CFAP263: variants seen among roughly 807,000 people sequenced by gnomAD.
CFAP263 encodes cilia- and flagella-associated protein 263.
At chr16:58,259,598 A>G in the CFAP263 span, among the ~76,000 whole-genome samples, 2 of 152,246 alleles carry the variant, frequency 1.3e-5, no homozygotes, top group African/African-American at 2.4e-5. Context: ...AGGCCCCTAC[A>G]GTAGCATACA....
the CFAP263 span, among the ~76,000 whole-genome samples, chr16:58,266,948 T>C: frequency 6.6e-6 from 1 of 152,106 alleles, no homozygotes; most frequent in African/African-American, 2.4e-5. Context: ...CTCCCCCTGG[T>C]CTCTGTGACC....
chr16:58,250,039 G>T, the CFAP263 span: 4 of 1,596,044 alleles, frequency 2.5e-6, no homozygotes, highest in South Asian at 1.1e-5. Context: ...GTCCGAGAGC[G>T]TCCTCTCCGA....
At chr16:58,280,748 C>G in the CFAP263 span, 1 of 1,600,792 alleles carries the variant, frequency 6.2e-7, no homozygotes, top group South Asian at 1.1e-5. Context: ...ATTGGGCTTC[C>G]TGGGTCCCCC....
At chr16:58,261,711 G>A in the CFAP263 span, among the ~76,000 whole-genome samples, 1 of 152,186 alleles carries the variant, frequency 6.6e-6, no homozygotes, top group Non-Finnish European at 1.5e-5. Context: ...GGAAGAAGAT[G>A]AATCCCAGGA....
At chr16:58,253,650 C>T in the CFAP263 span, among the ~76,000 whole-genome samples, 1 of 152,234 alleles carries the variant, frequency 6.6e-6, no homozygotes, top group Non-Finnish European at 1.5e-5. Flanking sequence ...CAGTTTCTTT[C>T]CTGTGTTCAG....
At chr16:58,254,204 C>G in the CFAP263 span, 28 of 1,601,180 alleles carry the variant, frequency 1.7e-5, no homozygotes, top group Middle Eastern at 1.7e-4. Context: ...AGGCTCCCCA[C>G]CTCTACCCCA....
the CFAP263 span, chr16:58,278,404 A>C: frequency 1.5e-6 from 2 of 1,299,204 alleles, no homozygotes; most frequent in Non-Finnish European, 2.2e-6. Flanking sequence ...AACTATGGGG[A>C]GAGATGGCAG....
chr16:58,266,395 ATATATATATATTTT>A, the CFAP263 span, among the ~76,000 whole-genome samples: 50 of 36,434 alleles, frequency 1.4e-3, no homozygotes, highest in East Asian at 3.2e-3. Context: ...ATATATATAT[ATATATATATATTTT>A]TTTTTTTTTT....
At chr16:58,272,813 T>C in the CFAP263 span, among the ~76,000 whole-genome samples, 90 of 151,750 alleles carry the variant, frequency 5.9e-4, no homozygotes, top group Non-Finnish European at 1.1e-3. Flanking sequence ...CACCAGAAGA[T>C]GCTCTAGGCT....
the CFAP263 span, among the ~76,000 whole-genome samples, chr16:58,256,720 T>A: frequency 6.6e-6 from 1 of 152,166 alleles, no homozygotes; most frequent in African/African-American, 2.4e-5. Context: ...ATGATGGGGC[T>A]GGAGCCTGAG....
chr16:58,261,463 A>T, the CFAP263 span, among the ~76,000 whole-genome samples: 1 of 152,208 alleles, frequency 6.6e-6, no homozygotes, highest in Admixed American at 6.5e-5. Context: ...ACACAAAGAT[A>T]ACACAGACAC....
At chr16:58,264,600 T>C in the CFAP263 span, among the ~76,000 whole-genome samples, 3 of 152,266 alleles carry the variant, frequency 2.0e-5, no homozygotes, top group Non-Finnish European at 4.4e-5. Flanking sequence ...GCAAGTTTTG[T>C]GTCACCAGGA....
At chr16:58,252,653 C>G in the CFAP263 span, 4 of 1,361,400 alleles carry the variant, frequency 2.9e-6, no homozygotes, top group East Asian at 9.2e-5. Context: ...TGCAGGTCTA[C>G]TAGTTATTAA....
the CFAP263 span, among the ~76,000 whole-genome samples, chr16:58,276,326 C>T: frequency 2.0e-5 from 3 of 152,346 alleles, no homozygotes; most frequent in South Asian, 2.1e-4. Context: ...CAGTCTCAAA[C>T]ATTACTGGAG....
At chr16:58,262,566 C>G in the CFAP263 span, 2 of 1,577,142 alleles carry the variant, frequency 1.3e-6, no homozygotes, top group Non-Finnish European at 1.7e-6. Flanking sequence ...ATACCCAGGG[C>G]TCCCCCAAGG....
the CFAP263 span, chr16:58,254,279 A>C: frequency 6.2e-5 from 65 of 1,051,932 alleles, no homozygotes; most frequent in East Asian, 1.6e-3. Context: ...AGGTAGGATG[A>C]AGCGAATCCA....
the CFAP263 span, chr16:58,279,852 C>T: frequency 8.4e-7 from 1 of 1,184,376 alleles, no homozygotes; most frequent in Non-Finnish European, 1.2e-6. Context: ...TCACGGGCTC[C>T]TCTCACTGTT....
At chr16:58,282,823 A>T in the CFAP263 span, 1 of 152,302 alleles carries the variant, frequency 6.6e-6, no homozygotes, top group Admixed American at 6.5e-5. Context: ...TGGTATAGCC[A>T]GAGCAAGAAA....
chr16:58,268,025 A>T, the CFAP263 span, among the ~76,000 whole-genome samples: 2 of 132,460 alleles, frequency 1.5e-5, no homozygotes, highest in Non-Finnish European at 3.2e-5. Context: ...AAAGAGAGAG[A>T]GAAGAAAGAG....
Sources: gnomAD v4.1 joint callset for allele counts (sites outside exome capture counted in the v4.1 genomes callset) on GRCh38, gnomAD v4.1.1 for gene constraint, MANE v1.5 for transcripts, NCBI Gene and HGNC (gene_info 2026-07-23, HGNC 2026-07-21) for gene names.